The following ANK2 variants were observed in gnomAD, a reference collection of about 807,000 sequenced individuals.
ANK2 encodes the protein ankyrin 2, also known as ankyrin-2.
A neutral mutation model predicts 360.5 loss-of-function variants in ANK2; 83 were observed. The ratio of observed to expected loss-of-function variants is 0.23; its 90% confidence interval spans 0.19 to 0.28. The LOEUF (loss-of-function observed/expected upper bound fraction) is 0.28, where lower values mean the gene tolerates loss of function less well. Among genes scored for constraint, ANK2 ranks in the 10% least tolerant of loss-of-function variants. The probability of loss-of-function intolerance (pLI) is 1.00; values close to 1 mark genes in which losing one functional copy is unlikely to be tolerated. For missense variants in ANK2, 4,201 were observed against 4,795.7 expected (o/e 0.88, Z 3.66); for synonymous variants, 1,740 against 1,759.5 (o/e 0.99, Z 0.28).
intron 28 of ANK2, among the ~76,000 whole-genome samples, chr4:113,332,423 C>T (rs886305104): frequency 2.6e-5 from 4 of 152,112 alleles, no homozygotes; most frequent in Non-Finnish European, 5.9e-5. Flanking sequence ...ATTTTGAGAA[C>T]GAATGTGACC....
chr4:113,107,945 A>G (rs1356174848), intron 1 of ANK2, among the ~76,000 whole-genome samples: 1 of 152,208 alleles, frequency 6.6e-6, no homozygotes, highest in Non-Finnish European at 1.5e-5. Context: ...TAGCAAAACC[A>G]TTATTTGATC....
At chr4:113,215,554 T>C (rs1442741258) in intron 4 of ANK2, among the ~76,000 whole-genome samples, 1 of 152,168 alleles carries the variant, frequency 6.6e-6, no homozygotes, top group Non-Finnish European at 1.5e-5. Flanking sequence ...GAAAAGATTG[T>C]ACAGAAGTTT....
chr4:113,281,730 G>A (rs116710158), intron 17 of ANK2, among the ~76,000 whole-genome samples: 496 of 152,264 alleles, frequency 3.3e-3, no homozygotes, highest in African/African-American at 0.011. Flanking sequence ...CAGACTTACA[G>A]TTGTTCCACA....
chr4:113,086,676 G>A (rs1271395889), intron 1 of ANK2, among the ~76,000 whole-genome samples: 1 of 152,208 alleles, frequency 6.6e-6, no homozygotes, highest in Non-Finnish European at 1.5e-5. Context: ...GAAAACTGAA[G>A]CACAGAAAGG....
the ANK2 span, among the ~76,000 whole-genome samples, chr4:112,811,060 C>T: frequency 2.6e-5 from 4 of 151,564 alleles, no homozygotes; most frequent in Non-Finnish European, 5.9e-5. Context: ...CTCAGCCTCC[C>T]GAGTAGCTGG....
chr4:113,030,463 T>C (rs113626945), intron 2 of ANK2, among the ~76,000 whole-genome samples: 5 of 152,216 alleles, frequency 3.3e-5, no homozygotes, highest in African/African-American at 1.2e-4. Flanking sequence ...TCCTTGATGC[T>C]CAAATTAGGT....
chr4:112,878,258 A>G (rs904698896), intron 1 of ANK2, among the ~76,000 whole-genome samples: 1 of 151,790 alleles, frequency 6.6e-6, no homozygotes, highest in Non-Finnish European at 1.5e-5. Context: ...AACCAAACTC[A>G]TTACCATCTC....
intron 29 of ANK2, among the ~76,000 whole-genome samples, chr4:113,335,143 C>T (rs566677157): frequency 6.6e-6 from 1 of 151,930 alleles, no homozygotes; most frequent in African/African-American, 2.4e-5. Context: ...TTTTGTATTG[C>T]CCTGAATATC....
the ANK2 span, among the ~76,000 whole-genome samples, chr4:112,753,439 A>G: frequency 2.0e-5 from 3 of 152,330 alleles, no homozygotes; most frequent in South Asian, 2.1e-4. Flanking sequence ...CCCAGGCTAC[A>G]TGGTATTGTC....
At chr4:113,013,890 G>T (rs1181686568) in intron 2 of ANK2, among the ~76,000 whole-genome samples, 1 of 146,080 alleles carries the variant, frequency 6.8e-6, no homozygotes, top group Non-Finnish European at 1.5e-5. Context: ...CACCATCTTA[G>T]TGGAACTTAA....
At chr4:113,091,203 C>T (rs542573495) in intron 1 of ANK2, among the ~76,000 whole-genome samples, 1 of 152,280 alleles carries the variant, frequency 6.6e-6, no homozygotes, top group African/African-American at 2.4e-5. Flanking sequence ...TACTGCTTAT[C>T]AGTCATTTTT....
At chr4:112,737,832 G>T in the ANK2 span, among the ~76,000 whole-genome samples, 4 of 152,114 alleles carry the variant, frequency 2.6e-5, no homozygotes, top group Admixed American at 2.6e-4. Context: ...GGAAGCTCAA[G>T]GTTTCTTAAG....
chr4:113,339,331 A>T lies in ANK2; in HGVS notation c.3893+9A>T, dbSNP rs886059012. On this transcript the variant is annotated intron_variant, in intron 32 of 45. Transcript: ENST00000357077. ...ACAAACGTGTCTGCCAGGTATCGTT[A>T]TATAGCACAGAAAAGCCCACTATGA... 2 of 1,609,658 alleles carry T rather than the reference A, an allele frequency of 1.2e-6. No individual in the cohort carries two copies. The highest frequency in any genetic ancestry group is 4.5e-5 in the East Asian group (2 of 44,848).
intron 40 of ANK2, among the ~76,000 whole-genome samples, chr4:113,364,392 G>T (rs2096413584): frequency 6.6e-6 from 1 of 152,178 alleles, no homozygotes; most frequent in Non-Finnish European, 1.5e-5. Context: ...ACAAGCTACT[G>T]TCACTTCTGA....
intron 1 of ANK2, among the ~76,000 whole-genome samples, chr4:113,114,901 A>G (rs1319466458): frequency 1.3e-5 from 2 of 152,214 alleles, no homozygotes; most frequent in Admixed American, 1.3e-4. Flanking sequence ...CCATTGCAGG[A>G]GGCTTAGCCA....
chr4:112,889,021 T>C (rs1182863039), intron 1 of ANK2, among the ~76,000 whole-genome samples: 1 of 152,212 alleles, frequency 6.6e-6, no homozygotes, highest in African/African-American at 2.4e-5. Flanking sequence ...TTAGACTGTA[T>C]ACACTTATCA....
chr4:113,014,582 G>A (rs1385967861), intron 2 of ANK2, among the ~76,000 whole-genome samples: 1 of 152,098 alleles, frequency 6.6e-6, no homozygotes, highest in Non-Finnish European at 1.5e-5. Flanking sequence ...TTTGTTTGGG[G>A]TAAGTTAGAT....
intron 1 of ANK2, among the ~76,000 whole-genome samples, chr4:113,105,174 G>C (rs2093459710): frequency 6.6e-6 from 1 of 152,132 alleles, no homozygotes; most frequent in Non-Finnish European, 1.5e-5. Flanking sequence ...CCCTTCTGAA[G>C]TCTTAGGCAT....
chr4:113,049,517 T>C (rs1012265361), upstream of ANK2: 1 of 894,798 alleles, frequency 1.1e-6, no homozygotes, highest in Non-Finnish European at 1.6e-6. Flanking sequence ...TTCCTGATGG[T>C]AATTGGTTGA....
Sources: gnomAD v4.1 joint callset for allele counts (sites outside exome capture counted in the v4.1 genomes callset) on GRCh38, gnomAD v4.1.1 for gene constraint, MANE v1.5 for transcripts, NCBI Gene and HGNC (gene_info 2026-07-23, HGNC 2026-07-21) for gene names.